THOC6: variants seen among roughly 807,000 people sequenced by gnomAD.
The protein encoded by THOC6 is THO complex subunit 6, also known as THO complex 6.
A neutral mutation model predicts 55.8 loss-of-function variants in THOC6; 39 were observed. That is an observed-to-expected ratio of 0.70 (90% CI 0.54 to 0.91). The LOEUF is 0.91. Among genes scored for constraint, THOC6 ranks in the 40% least tolerant of loss-of-function variants. The pLI, the probability that THOC6 is intolerant of heterozygous loss-of-function variation, is 0.00. For missense variants in THOC6, 482 were observed against 442.0 expected (o/e 1.09, Z -0.81); for synonymous variants, 192 against 175.6 (o/e 1.09, Z -0.74).
chr16:3,026,607 C>T lies in THOC6; in HGVS notation c.483+20C>T. On this transcript the variant is annotated intron_variant, in intron 7 of 12. Coordinates refer to ENST00000326266, the MANE Select transcript of THOC6 (RefSeq NM_024339.5). ...TTCACGGTGAGCAGGGTCCTGGAGC[C>T]CTAGAGCAGGTCTAGGTCAGGGAGA... 6.2e-7 allele frequency: 1 copy of T among 1,613,588 alleles called. No homozygotes were observed. Among genetic ancestry groups the T allele is most frequent in the Non-Finnish European group, 8.5e-7 (1 of 1,179,746 alleles).
chr16:3,026,699 A>G lies in THOC6; in HGVS notation c.504A>G (p.Thr168=), dbSNP rs1222043512. 1.2e-6 allele frequency: 2 copies of G among 1,613,568 alleles called. No homozygotes were observed. Among genetic ancestry groups the G allele is most frequent in the East Asian group, 4.5e-5 (2 of 44,864 alleles). The change falls in exon 8 of 13, where the codon ACA becomes ACG. Residue 168 remains threonine, a synonymous_variant. Transcript: ENST00000326266. ...TGCAGAGGGTCCTCCGGGGCCACACAGACTACATCCACTGCCTGGCACTGC... is the reference window on the plus strand; with the variant it reads ...TGCAGAGGGTCCTCCGGGGCCACACGGACTACATCCACTGCCTGGCACTGC... ...GTFTRVLRGH[T]DYIHCLALRE... is the part of the protein sequence containing the mutation.
chr16:3,026,189 G>A (rs766499636), intron 4 of THOC6, 23 bp downstream of exon 4: 4 of 1,613,168 alleles, frequency 2.5e-6, no homozygotes, highest in South Asian at 1.1e-5. Flanking sequence ...GCTTGGGAAA[G>A]GGCTGGGGTG....
At position 3,026,345 on chromosome 16, in the gene THOC6, C is replaced by T. The variant is rs1176992933; in HGVS notation, c.363-20C>T. The T allele has an allele frequency of 5.0e-6, 8 of 1,613,898 alleles. No individual in the cohort carries two copies. Among genetic ancestry groups the T allele is most frequent in the Non-Finnish European group, 5.1e-6 (6 of 1,180,016 alleles). The stretch of plus-strand genomic sequence containing the variant: ...CAGGGTGAAGCCACTTCCTCACTGA[C>T]CTTGCCTTTCCTTCCCCAGGACCAG... On this transcript the variant is annotated intron_variant, in intron 5 of 12. Transcript: ENST00000326266.
At position 3,027,604 on chromosome 16, in the gene THOC6, C is replaced by T. The variant is rs779220051; in HGVS notation, c.973C>T (p.Arg325Trp). ...KVLTAAGNSC[R>W]VDVFTNLGYR... ...CCTGACAGCTGCAGGCAACAGCTGC[C>T]GGGTGGATGTCTTCACCAACCTGGG... Residue 325 changes from arginine to tryptophan, a missense_variant, in exon 13 of 13, where the codon CGG (arginine) becomes TGG (tryptophan). Arg to Trp is a moderately radical substitution (Grantham distance 101, BLOSUM62 -3). Transcript: ENST00000326266. 120 of 1,614,008 alleles carry T rather than the reference C, an allele frequency of 7.4e-5. No individual in the cohort carries two copies. The highest frequency in any genetic ancestry group is 2.9e-4 in the South Asian group (26 of 91,090).
chr16:3,024,334 G>A lies in THOC6; in HGVS notation c.8G>A (p.Arg3Gln). 6 of 1,614,176 alleles carry A rather than the reference G, an allele frequency of 3.7e-6. No homozygotes were observed. The highest frequency in any genetic ancestry group is 1.1e-5 in the South Asian group (1 of 91,088). ME[R>Q]AVPLAVPLGQ... is the part of the protein sequence containing the mutation. ...GGACTTGTAGTTCTGGAGATGGAGCGAGCTGTGCCGCTCGCGGTGCCTCTG... is the reference window on the plus strand; with the variant it reads ...GGACTTGTAGTTCTGGAGATGGAGCAAGCTGTGCCGCTCGCGGTGCCTCTG... The change falls in exon 1 of 13, where the codon CGA becomes CAA. Residue 3 changes from arginine to glutamine, a missense_variant. Transcript: ENST00000326266.
chr16:3,026,350 C>A lies in THOC6; in HGVS notation c.363-15C>A, dbSNP rs1336199521. 2 of 1,613,970 alleles carry A rather than the reference C, an allele frequency of 1.2e-6. No individual in the cohort carries two copies. The highest frequency in any genetic ancestry group is 1.1e-5 in the South Asian group (1 of 91,094). ...TGAAGCCACTTCCTCACTGACCTTG[C>A]CTTTCCTTCCCCAGGACCAGCCTGG... On this transcript the variant is annotated splice_polypyrimidine_tract_variant and intron_variant, in intron 5 of 12. Transcript: ENST00000326266.
In THOC6 at chr16:3,025,814, C is replaced by T. The variant is rs866122968; in HGVS notation, c.146C>T (p.Ala49Val). Residue 49 changes from alanine to valine, a missense_variant, in exon 2 of 13, where the codon GCC becomes GTC. Transcript: ENST00000326266. ...LAAGNNYGQI[A>V]IFSLSSALSS... ...GCTGGCAACAATTACGGGCAGATTG[C>T]CATCTTCAGGTACCCTCTGCCGCTG... 1.2e-6 allele frequency: 2 copies of T among 1,614,052 alleles called. No homozygotes were observed. The highest frequency in any genetic ancestry group is 2.7e-5 in the African/African-American group (2 of 74,910).
Position 3,026,288 on chromosome 16 carries a change from G to A in THOC6, c.362G>A (p.Arg121Lys). ...CTGTGGCGTCGTCAGCCTCCATACA[G>A]GTGAGCAGGGCCACGTGGATAGAGG... ...KELWRRQPPY[R>K]TSLEVPEINA... Residue 121 changes from arginine (R) to lysine (K), a missense_variant and splice_region_variant, in exon 5 of 13, where the codon AGG becomes AAG. Physicochemically the swap from Arg to Lys is conservative, Grantham distance 26 (BLOSUM62 2). Coordinates refer to ENST00000326266, the MANE Select transcript of THOC6 (RefSeq NM_024339.5). The A allele has an allele frequency of 1.2e-6, 2 of 1,614,118 alleles. No individual in the cohort carries two copies. Among genetic ancestry groups the A allele is most frequent in the Non-Finnish European group, 1.7e-6 (2 of 1,180,030 alleles).
chr16:3,024,207 C>A lies in THOC6; in HGVS notation c.-120C>A. The A allele has an allele frequency of 7.8e-7, 1 of 1,284,624 alleles. No homozygotes were observed. Among genetic ancestry groups the A allele is most frequent in the Non-Finnish European group, 1.1e-6 (1 of 902,038 alleles). The allele number at this position is 1,284,624 out of a possible 1,614,324, so 79.6% of individuals were successfully genotyped here. ...TCGGCTCCTAGGGTTCGGGACGGTACGCACCAGCCACCTTCGCGCCGAAGG... is the reference window on the plus strand; with the variant it reads ...TCGGCTCCTAGGGTTCGGGACGGTAAGCACCAGCCACCTTCGCGCCGAAGG... On this transcript the variant is annotated 5_prime_UTR_variant, in exon 1 of 13. Transcript: ENST00000326266.
intron 1 of THOC6, among the ~76,000 whole-genome samples, chr16:3,025,408 A>C (rs569898764): frequency 6.6e-6 from 1 of 152,124 alleles, no homozygotes; most frequent in African/African-American, 2.4e-5. Context: ...TAGCTCATCT[A>C]ATTGTGATGG....
Position 3,027,210 on chromosome 16 carries a change from G to A in THOC6, c.740G>A (p.Arg247Gln), listed in dbSNP as rs756027209. 9 of 1,614,068 alleles carry A rather than the reference G, an allele frequency of 5.6e-6. No individual in the cohort carries two copies. The highest frequency in any genetic ancestry group is 5.5e-5 in the South Asian group (5 of 91,082). ...GGPALTLWHL[R>Q]SSTPTTIFPI... The stretch of plus-strand genomic sequence containing the variant: ...CCAGCCCTCACCCTCTGGCACCTCC[G>A]ATCCTCCACACCCACCACCATCTTC... Residue 247 changes from arginine (R) to glutamine (Q), a missense_variant, in exon 11 of 13, where the codon CGA (arginine) becomes CAA (glutamine). Arg to Gln is a conservative substitution (Grantham distance 43, BLOSUM62 1). Transcript: ENST00000326266.
In THOC6 at chr16:3,026,764, G is replaced by C; in HGVS notation, c.569G>C (p.Gly190Ala). 1 of 1,613,954 alleles carries C rather than the reference G, an allele frequency of 6.2e-7. No homozygotes were observed. The highest frequency in any genetic ancestry group is 1.1e-5 in the South Asian group (1 of 91,050). ...SPEVLSGGED[G>A]AVRLWDLRTA... ...GAGGTGCTGTCAGGTGGCGAGGATG[G>C]AGCTGTTCGACTTTGGGGTAAGCAG... is the stretch of plus-strand genomic sequence containing the variant. Residue 190 changes from glycine to alanine, a missense_variant, in exon 8 of 13, where the codon GGA (glycine) becomes GCA (alanine). By Grantham distance (60) the Gly-to-Ala change is moderately conservative. Transcript: ENST00000326266.
Position 3,026,678 on chromosome 16 carries a change from G to T in THOC6, c.484-1G>T, listed in dbSNP as rs2072803176. 1 of 1,612,270 alleles carries T rather than the reference G, an allele frequency of 6.2e-7. No individual in the cohort carries two copies. Among genetic ancestry groups the T allele is most frequent in the African/African-American group, 1.3e-5 (1 of 75,016 alleles). On this transcript the variant is annotated splice_acceptor_variant, in intron 7 of 12. Transcript: ENST00000326266. LOFTEE classifies it high-confidence loss of function. ...TCCTGACATCGCCCCTCTACATGCA[G>T]AGGGTCCTCCGGGGCCACACAGACT...
At position 3,026,773 on chromosome 16, in the gene THOC6, G is replaced by A. The variant is rs140523485; in HGVS notation, c.578G>A (p.Arg193Gln). 24 of 1,613,644 alleles carry A rather than the reference G, an allele frequency of 1.5e-5. No homozygotes were observed. Among genetic ancestry groups the A allele is most frequent in the Middle Eastern group, 1.6e-4 (1 of 6,084 alleles). Residue 193 changes from arginine to glutamine, a missense_variant, in exon 8 of 13, where the codon CGA becomes CAA. By Grantham distance (43) the Arg-to-Gln change is conservative. Coordinates refer to ENST00000326266, the MANE Select transcript of THOC6 (RefSeq NM_024339.5). ...TCAGGTGGCGAGGATGGAGCTGTTC[G>A]ACTTTGGGGTAAGCAGGTGGCTGGT... ...VLSGGEDGAV[R>Q]LWDLRTAKEV...
At position 3,027,644 on chromosome 16, in the gene THOC6, C is replaced by G; in HGVS notation, c.1013C>G (p.Ser338Cys). The change falls in exon 13 of 13, where the codon TCC (serine) becomes TGC (cysteine). Residue 338 changes from serine to cysteine, a missense_variant. Transcript: ENST00000326266. ...VFTNLGYRAF[S>C]LSF is the part of the protein sequence containing the mutation. ...ACCAACCTGGGTTACCGAGCCTTCT[C>G]CCTGTCCTTCTGATCTCTGACGACA... 6.2e-7 allele frequency: 1 copy of G among 1,614,136 alleles called. No homozygotes were observed. Among genetic ancestry groups the G allele is most frequent in the East Asian group, 2.2e-5 (1 of 44,894 alleles).
rs941124894 is a variant in THOC6 at position 3,024,205 on chromosome 16, T to C, written c.-122T>C. On this transcript the variant is annotated 5_prime_UTR_variant, in exon 1 of 13. Transcript: ENST00000326266. ...CCTCGGCTCCTAGGGTTCGGGACGG[T>C]ACGCACCAGCCACCTTCGCGCCGAA... The C allele has an allele frequency of 7.9e-6, 10 of 1,265,442 alleles. No individual in the cohort carries two copies. The Middle Eastern group carries it at 9.5e-4, about 121-fold the overall frequency. The allele number at this position is 1,265,442 out of a possible 1,614,324, so 78.4% of individuals were successfully genotyped here. A position where few individuals can be genotyped will look rare whatever the true frequency, so the allele number is the denominator to read the frequency against.
intron 5 of THOC6, 32 bp downstream of exon 5, chr16:3,026,320 C>G (rs766078682): frequency 6.2e-7 from 1 of 1,614,110 alleles, no homozygotes; most frequent in East Asian, 2.2e-5. Context: ...GAGGGTGCAT[C>G]AGGGTGAAGC....
Position 3,026,276 on chromosome 16 carries a change from A to G in THOC6, c.350A>G (p.Gln117Arg). 2 of 1,614,166 alleles carry G rather than the reference A, an allele frequency of 1.2e-6. No individual in the cohort carries two copies. Among genetic ancestry groups the G allele is most frequent in the South Asian group, 1.1e-5 (1 of 91,084 alleles). Reference protein sequence around the residue: ...KKGCKELWRRQPPYRTSLEVP... With the variant: ...KKGCKELWRRRPPYRTSLEVP... Reference sequence around the variant, plus strand: ...GGCTGTAAGGAGCTGTGGCGTCGTCAGCCTCCATACAGGTGAGCAGGGCCA... The same window carrying G: ...GGCTGTAAGGAGCTGTGGCGTCGTCGGCCTCCATACAGGTGAGCAGGGCCA... The change falls in exon 5 of 13, where the codon CAG becomes CGG. Residue 117 changes from glutamine to arginine, a missense_variant. Coordinates refer to ENST00000326266, the MANE Select transcript of THOC6 (RefSeq NM_024339.5).
At position 3,026,666 on chromosome 16, in the gene THOC6, C is replaced by T. The variant is rs372197717; in HGVS notation, c.484-13C>T. ...TCCTAGGTCTCCTCCTGACATCGCC[C>T]CTCTACATGCAGAGGGTCCTCCGGG... On this transcript the variant is annotated splice_polypyrimidine_tract_variant and intron_variant, in intron 7 of 12. Transcript: ENST00000326266. The T allele has an allele frequency of 4.6e-5, 74 of 1,610,888 alleles. No homozygotes were observed. The highest frequency in any genetic ancestry group is 4.8e-5 in the Non-Finnish European group (56 of 1,178,352).
Sources: gnomAD v4.1 joint callset for allele counts (sites outside exome capture counted in the v4.1 genomes callset) on GRCh38, gnomAD v4.1.1 for gene constraint, MANE v1.5 for transcripts, NCBI Gene and HGNC (gene_info 2026-07-23, HGNC 2026-07-21) for gene names.